The following TACC1 variants were observed in gnomAD, a reference collection of about 807,000 sequenced individuals.
The protein encoded by TACC1 is transforming acidic coiled-coil-containing protein 1.
Under a neutral mutation model 84.4 loss-of-function variants are expected in TACC1, and 48 were observed. That is an observed-to-expected ratio of 0.57 (90% CI 0.45 to 0.72). The LOEUF (loss-of-function observed/expected upper bound fraction) is 0.72. Among genes scored for constraint, TACC1 ranks in the 30% least tolerant of loss-of-function variants. The pLI is 0.00. For missense variants in TACC1, 920 were observed against 973.0 expected, an observed-to-expected ratio of 0.95 and a Z score of 0.72; for synonymous variants, 372 against 376.3, an observed-to-expected ratio of 0.99 and a Z score of 0.13.
chr8:38,840,498 T>C (rs1391757775), intron 9 of TACC1: 3 of 361,228 alleles, frequency 8.3e-6, no homozygotes, highest in African/African-American at 6.2e-5. Flanking sequence ...AGGACACTAA[T>C]CCTGACATAA....
At chr8:38,760,571 G>A (rs1811017635) in intron 3 of TACC1, among the ~76,000 whole-genome samples, 1 of 151,692 alleles carries the variant, frequency 6.6e-6, no homozygotes, top group Admixed American at 6.6e-5. Flanking sequence ...TCACTCTGTT[G>A]CCCAGGCTGG....
chr8:38,775,306 C>T (rs968548334), intron 3 of TACC1, among the ~76,000 whole-genome samples: 1 of 152,194 alleles, frequency 6.6e-6, no homozygotes, highest in Non-Finnish European at 1.5e-5. Context: ...TGATCTTTGG[C>T]AAAGGTCCTT....
chr8:38,845,955 A>G (rs984973660), intron 11 of TACC1, among the ~76,000 whole-genome samples: 5 of 152,256 alleles, frequency 3.3e-5, no homozygotes, highest in African/African-American at 1.2e-4. Context: ...GCATCCTTTC[A>G]TCAGTTTAAT....
chr8:38,789,039 T>G (rs537804072), intron 2 of TACC1, among the ~76,000 whole-genome samples: 62 of 152,324 alleles, frequency 4.1e-4, no homozygotes, highest in African/African-American at 1.3e-3. Flanking sequence ...ATTATCATTA[T>G]CAAACATTCC....
At chr8:38,789,953 G>A (rs1818249365) in intron 2 of TACC1, among the ~76,000 whole-genome samples, 1 of 152,196 alleles carries the variant, frequency 6.6e-6, no homozygotes. Flanking sequence ...AGCCACTGGA[G>A]GGCATATGCA....
intron 12 of TACC1, among the ~76,000 whole-genome samples, chr8:38,847,431 T>C (rs1456655837): frequency 6.6e-6 from 1 of 152,248 alleles, no homozygotes. Flanking sequence ...TCCCTGTTTC[T>C]CACTAAGCAA....
intron 7 of TACC1, among the ~76,000 whole-genome samples, chr8:38,838,246 T>C (rs1830588443): frequency 6.6e-6 from 1 of 152,254 alleles, no homozygotes; most frequent in Non-Finnish European, 1.5e-5. Flanking sequence ...ACTTGGGATT[T>C]CTGAGAGATG....
chr8:38,745,693 G>A (rs1179151520), intron 3 of TACC1, among the ~76,000 whole-genome samples: 5 of 151,988 alleles, frequency 3.3e-5, no homozygotes, highest in East Asian at 3.8e-4. Context: ...ACAGGCGCAC[G>A]CCACCACACC....
At chr8:38,836,536 G>C (rs1031148990) in intron 7 of TACC1, among the ~76,000 whole-genome samples, 1 of 152,140 alleles carries the variant, frequency 6.6e-6, no homozygotes, top group African/African-American at 2.4e-5. Flanking sequence ...TTATCTTTCA[G>C]CCCTGACATT....
intron 3 of TACC1, chr8:38,757,475 C>T: frequency 9.1e-7 from 1 of 1,094,634 alleles, no homozygotes; most frequent in Non-Finnish European, 1.1e-6. Context: ...GGATGGAGCG[C>T]GCTGGGGCCC....
At chr8:38,744,029 G>A (rs79563235) in intron 2 of TACC1, 11,365 of 152,258 alleles carry the variant, frequency 0.075, 556 homozygotes, top group Non-Finnish European at 0.1. Flanking sequence ...CGACTGGTCC[G>A]AAGGTAGTGA....
In TACC1 at chr8:38,813,849, C is replaced by T. The variant is rs142850405; in HGVS notation, c.278-5673C>T. On this transcript the variant is annotated intron_variant, in intron 2 of 12. Coordinates refer to ENST00000317827, the MANE Select transcript of TACC1 (RefSeq NM_006283.3). ...ACTTTAGTTTGAATACATTTGGTCTCGGCAGAAATCCACTCACACTAGCTC... is the reference window on the plus strand; with the variant it reads ...ACTTTAGTTTGAATACATTTGGTCTTGGCAGAAATCCACTCACACTAGCTC... Among the ~76,000 whole-genome samples the T allele has an allele frequency of 5.9e-5, 9 of 152,248 alleles. No homozygotes were observed. In the East Asian group the frequency reaches 7.7e-4, roughly 13 times the overall value.
chr8:38,748,294 AAT>A (rs1382966472), intron 3 of TACC1, among the ~76,000 whole-genome samples: 7 of 152,162 alleles, frequency 4.6e-5, no homozygotes, highest in African/African-American at 1.7e-4. Flanking sequence ...TGTGCCTAAT[AAT>A]AGTCTCAAAT....
chr8:38,771,459 G>A (rs941390369), intron 3 of TACC1, among the ~76,000 whole-genome samples: 1 of 152,170 alleles, frequency 6.6e-6, no homozygotes, highest in Non-Finnish European at 1.5e-5. Context: ...AGCAAACGAT[G>A]TTCAGTCCAT....
In TACC1 at chr8:38,731,499, T is replaced by C. The variant is rs535529286; in HGVS notation, c.-675+2828T>C. Among the ~76,000 whole-genome samples, 34 of 152,320 alleles carry C rather than the reference T, an allele frequency of 2.2e-4. No homozygotes were observed. In the South Asian group the frequency reaches 7.0e-3, roughly 32 times the overall value. On this transcript the variant is annotated intron_variant, in intron 1 of 14. Transcript: ENST00000518415. Reference sequence around the variant, plus strand: ...TGGCATATGATAAACACTCAATAAATATGTTATGTGTAAAAGAGGTTGTTG... The same window carrying C: ...TGGCATATGATAAACACTCAATAAACATGTTATGTGTAAAAGAGGTTGTTG...
At position 38,813,233 on chromosome 8, in the gene TACC1, TGAG is replaced by T. The variant is rs56833273; in HGVS notation, c.278-6285_278-6283del. On this transcript the variant is annotated intron_variant, in intron 2 of 12. Transcript: ENST00000317827. ...ATTTTTGTTCACAATTTTTTTAAGA[TGAG>T]GAGCTCAGAACTGAATTCAGAATCT... Among the ~76,000 whole-genome samples, 714 of 152,332 alleles carry T rather than the reference TGAG, an allele frequency of 4.7e-3. 4 individuals are homozygous for T. The highest frequency in any genetic ancestry group is 0.016 in the African/African-American group (680 of 41,572).
chr8:38,754,217 G>A (rs1449190415), intron 3 of TACC1, among the ~76,000 whole-genome samples: 1 of 152,124 alleles, frequency 6.6e-6, no homozygotes, highest in Non-Finnish European at 1.5e-5. Context: ...CTCCCAAAGT[G>A]CTGGGATTAC....
chr8:38,771,662 G>A (rs539712847), intron 3 of TACC1, among the ~76,000 whole-genome samples: 6 of 152,312 alleles, frequency 3.9e-5, no homozygotes, highest in African/African-American at 7.2e-5. Context: ...AACACAGATG[G>A]TCAGGCCCAC....
intron 2 of TACC1, among the ~76,000 whole-genome samples, chr8:38,794,303 A>T (rs1247574750): frequency 3.3e-5 from 5 of 152,188 alleles, no homozygotes; most frequent in Admixed American, 2.0e-4. Flanking sequence ...ATTTTCTTAA[A>T]TTTTTTTTAA....
Sources: allele counts gnomAD v4.1 joint callset (sites outside exome capture counted in the v4.1 genomes callset), GRCh38; gene constraint gnomAD v4.1.1; transcripts MANE v1.5; gene names NCBI Gene and HGNC (gene_info 2026-07-23, HGNC 2026-07-21).